AFF3: variants seen among roughly 807,000 people sequenced by gnomAD.
AFF3 encodes the protein AF4/FMR2 family member 3.
Under a neutral mutation model 129.7 loss-of-function variants are expected in AFF3, and 32 were observed. That is an observed-to-expected ratio of 0.25 (90% CI 0.19 to 0.33). The LOEUF is 0.33. Among genes scored for constraint, AFF3 ranks in the 10% least tolerant of loss-of-function variants. AFF3 has a pLI of 1.00. For synonymous variants in AFF3, 644 were observed against 635.4 expected (o/e 1.01, Z -0.20); for missense variants, 1,373 against 1,592.0 (o/e 0.86, Z 2.34).
intron 5 of AFF3, 126 bp from the exon 6 acceptor site, chr2:100,007,586 A>G: frequency 1.1e-6 from 1 of 870,072 alleles, no homozygotes; most frequent in Non-Finnish European, 1.8e-6. Context: ...TGAGAGATGA[A>G]ATCGAAATCC....
chr2:100,123,476 T>C (rs553372854), intron 2 of AFF3, among the ~76,000 whole-genome samples: 1 of 152,290 alleles, frequency 6.6e-6, no homozygotes, highest in South Asian at 2.1e-4. Flanking sequence ...CATTGAAATG[T>C]GTTGGGTTTG....
intron 7 of AFF3, among the ~76,000 whole-genome samples, chr2:99,880,558 C>T (rs185072999): frequency 6.0e-4 from 92 of 152,260 alleles, no homozygotes; most frequent in African/African-American, 2.1e-3. Flanking sequence ...TATGCCATAG[C>T]GTGGAGAATC....
chr2:99,691,428 G>A lies in AFF3; in HGVS notation c.1092-18839C>T, dbSNP rs543908085. Among the ~76,000 whole-genome samples the A allele has an allele frequency of 3.3e-5, 5 of 152,218 alleles. No homozygotes were observed. The East Asian group carries it at 7.7e-4, about 24-fold the overall frequency. The stretch of plus-strand genomic sequence containing the variant: ...CTGATGCTATTGTGCCCTTGTCCCC[G>A]CTTGGTGTCCAAACTGGAGCATTTC... On this transcript the variant is annotated intron_variant, in intron 11 of 24. Coordinates refer to ENST00000672756, the MANE Select transcript of AFF3 (RefSeq NM_001386135.1).
At chr2:100,050,495 C>G (rs1686219978) in intron 4 of AFF3, among the ~76,000 whole-genome samples, 1 of 151,908 alleles carries the variant, frequency 6.6e-6, no homozygotes, top group Non-Finnish European at 1.5e-5. Context: ...CACAGAGCAG[C>G]CAAGATGTTT....
intron 13 of AFF3, among the ~76,000 whole-genome samples, chr2:99,624,008 T>C (rs1402367373): frequency 5.9e-5 from 9 of 152,198 alleles, no homozygotes; most frequent in Non-Finnish European, 1.3e-4. Context: ...AGCATTAAAC[T>C]AAGTAAGAGG....
intron 4 of AFF3, among the ~76,000 whole-genome samples, chr2:100,011,280 A>C (rs1389621720): frequency 3.9e-5 from 6 of 152,126 alleles, no homozygotes; most frequent in Non-Finnish European, 8.8e-5. Flanking sequence ...TCTCAAAAGA[A>C]AAAAAAGCTT....
chr2:99,815,399 T>G (rs957575452), intron 8 of AFF3, among the ~76,000 whole-genome samples: 4 of 152,248 alleles, frequency 2.6e-5, no homozygotes, highest in Non-Finnish European at 1.5e-5. Context: ...TTAAACAATA[T>G]GTAATGATTG....
At chr2:99,784,441 G>C (rs1461808265) in intron 8 of AFF3, among the ~76,000 whole-genome samples, 1 of 152,240 alleles carries the variant, frequency 6.6e-6, no homozygotes, top group Non-Finnish European at 1.5e-5. Context: ...AGCACAGAAA[G>C]GAGATGAAAG....
chr2:99,687,318 G>T (rs1052022854), intron 11 of AFF3, among the ~76,000 whole-genome samples: 5 of 152,118 alleles, frequency 3.3e-5, no homozygotes, highest in Non-Finnish European at 7.4e-5. Context: ...ATTTGATTTG[G>T]GTAGTGTCAG....
intron 7 of AFF3, among the ~76,000 whole-genome samples, chr2:99,907,658 A>G (rs1694810172): frequency 6.8e-6 from 1 of 147,770 alleles, no homozygotes; most frequent in African/African-American, 2.5e-5. Flanking sequence ...TGTTTTTTTT[A>G]GATAGGGTCT....
intron 7 of AFF3, among the ~76,000 whole-genome samples, chr2:99,999,404 T>A (rs764049171): frequency 1.3e-5 from 2 of 152,148 alleles, no homozygotes; most frequent in Non-Finnish European, 2.9e-5. Context: ...ATTAATTAAC[T>A]CACCCAATAA....
chr2:99,833,221 C>T (rs182564636), intron 8 of AFF3, among the ~76,000 whole-genome samples: 2 of 152,278 alleles, frequency 1.3e-5, no homozygotes, highest in African/African-American at 4.8e-5. Context: ...CCCAGGACCA[C>T]AACTGGAAAT....
At chr2:100,133,802 G>A (rs749712229) in intron 1 of AFF3, among the ~76,000 whole-genome samples, 4 of 152,198 alleles carry the variant, frequency 2.6e-5, no homozygotes, top group African/African-American at 4.8e-5. Flanking sequence ...GCATGGTGGC[G>A]GACGCCTGTA....
intron 13 of AFF3, among the ~76,000 whole-genome samples, chr2:99,644,228 T>G (rs543508945): frequency 6.6e-6 from 1 of 152,362 alleles, no homozygotes; most frequent in East Asian, 1.9e-4. Context: ...ATGTAGCCGT[T>G]GCTGGAGTCG....
chr2:100,105,587 G>C lies in AFF3; in HGVS notation c.-144-4C>G, dbSNP rs1162378280. On this transcript the variant is annotated splice_polypyrimidine_tract_variant and splice_region_variant and intron_variant, in intron 2 of 24. Coordinates refer to ENST00000672756, the MANE Select transcript of AFF3 (RefSeq NM_001386135.1). ...GTCTGGAAAGGCAGGTGATCAGCTA[G>C]AAGGGTGATAAGAGTATCATCGTGG... 1.6e-5 allele frequency: 21 copies of C among 1,333,904 alleles called. No homozygotes were observed. Among genetic ancestry groups the C allele is most frequent in the Non-Finnish European group, 1.9e-5 (19 of 1,006,110 alleles). The allele number at this position is 1,333,904 out of a possible 1,614,324, so 82.6% of individuals were successfully genotyped here. A position where few individuals can be genotyped will look rare whatever the true frequency, so the allele number is the denominator to read the frequency against.
chr2:99,825,669 CA>C (rs2105718165), intron 8 of AFF3, among the ~76,000 whole-genome samples: 1 of 152,288 alleles, frequency 6.6e-6, no homozygotes, highest in South Asian at 2.1e-4. Context: ...CATTACCTAT[CA>C]AAATGAAAGG....
intron 18 of AFF3, among the ~76,000 whole-genome samples, chr2:99,574,324 C>T (rs1193722741): frequency 6.6e-6 from 1 of 152,212 alleles, no homozygotes; most frequent in African/African-American, 2.4e-5. Flanking sequence ...ATACAAAGGA[C>T]AGGCTGACCT....
Position 99,894,617 on chromosome 2 carries a change from C to T in AFF3, c.874-57093G>A, listed in dbSNP as rs375365047. 6.4e-3 allele frequency among the ~76,000 whole-genome samples: 977 copies of T among 151,832 alleles called. 23 individuals carry two copies. The highest frequency in any genetic ancestry group is 0.023 in the African/African-American group (935 of 41,412). The stretch of plus-strand genomic sequence containing the variant: ...CCGAGTAGCTGGGACTACAGGCGCC[C>T]GCCACCACGCCCGGCTAATTTTTTT... On this transcript the variant is annotated intron_variant, in intron 7 of 24. Transcript: ENST00000672756.
chr2:99,978,414 T>TA (rs538042144), intron 7 of AFF3, among the ~76,000 whole-genome samples: 3 of 152,190 alleles, frequency 2.0e-5, no homozygotes, highest in South Asian at 4.1e-4. Context: ...TATTGGTCAA[T>TA]AAAAAAACCC....
Sources: allele counts gnomAD v4.1 joint callset (sites outside exome capture counted in the v4.1 genomes callset), GRCh38; gene constraint gnomAD v4.1.1; transcripts MANE v1.5; gene names NCBI Gene and HGNC (gene_info 2026-07-23, HGNC 2026-07-21).